Variants in MGAT4C observed in about 807,000 individuals in gnomAD.
MGAT4C encodes alpha-1,3-mannosyl-glycoprotein 4-beta-N-acetylglucosaminyltransferase C.
In MGAT4C, 19 loss-of-function variants were observed where a neutral mutation model predicts 40.1. The observed-to-expected ratio is 0.47, with a 90% confidence interval of 0.33 to 0.70. The LOEUF is 0.70. Among genes scored for constraint, MGAT4C ranks in the 30% least tolerant of loss-of-function variants. The pLI is 0.02. For missense variants in MGAT4C, 491 were observed against 563.2 expected, an observed-to-expected ratio of 0.87 and a Z score of 1.30; for synonymous variants, 181 against 187.1, an observed-to-expected ratio of 0.97 and a Z score of 0.27.
intron 1 of MGAT4C, among the ~76,000 whole-genome samples, chr12:86,188,380 G>C (rs1889009074): frequency 6.6e-6 from 1 of 151,836 alleles, no homozygotes. Context: ...TTGCCTGTGG[G>C]CAGCAGAGTG....
At chr12:86,770,699 T>C (rs1226095397) in intron 1 of MGAT4C, among the ~76,000 whole-genome samples, 5 of 152,122 alleles carry the variant, frequency 3.3e-5, no homozygotes, top group African/African-American at 1.2e-4. Flanking sequence ...ATTCTTTCAA[T>C]ATGAGGACCA....
At chr12:86,705,920 G>A (rs1313690383) in intron 2 of MGAT4C, among the ~76,000 whole-genome samples, 1 of 152,130 alleles carries the variant, frequency 6.6e-6, no homozygotes, top group Non-Finnish European at 1.5e-5. Context: ...CCTTTTCAAT[G>A]TATGATGCTG....
intron 1 of MGAT4C, among the ~76,000 whole-genome samples, chr12:86,206,042 T>G (rs1288394998): frequency 6.6e-6 from 1 of 152,050 alleles, no homozygotes; most frequent in East Asian, 1.9e-4. Flanking sequence ...ATATTTCATC[T>G]CAAACATAAA....
rs142057597 is a variant in MGAT4C, at chr12:86,097,480, T to G, written c.-56-47757A>C. ...CTTCTGGACATTACTCTTTTCAATA[T>G]CACATTTTTAGTTTGCTTAATATAA... On this transcript the variant is annotated intron_variant, in intron 1 of 4. Transcript: ENST00000611864. Among the ~76,000 whole-genome samples the G allele has an allele frequency of 1.8e-3, 272 of 151,704 alleles. 1 individual carries two copies. The highest frequency in any genetic ancestry group is 2.5e-3 in the Non-Finnish European group (167 of 67,572).
At chr12:86,567,873 T>G (rs774869435) in intron 2 of MGAT4C, among the ~76,000 whole-genome samples, 32 of 152,336 alleles carry the variant, frequency 2.1e-4, no homozygotes, top group South Asian at 2.1e-4. Context: ...TTTTTCTGAT[T>G]TATTGACTTC....
intron 2 of MGAT4C, among the ~76,000 whole-genome samples, chr12:86,490,070 G>C (rs11103969): frequency 0.011 from 1,730 of 152,076 alleles, 19 homozygotes; most frequent in Non-Finnish European, 0.018. Flanking sequence ...GAAATATAGA[G>C]AACGCCACAA....
At chr12:86,534,881 G>C (rs551334357) in intron 2 of MGAT4C, among the ~76,000 whole-genome samples, 1 of 152,176 alleles carries the variant, frequency 6.6e-6, no homozygotes, top group East Asian at 1.9e-4. Flanking sequence ...ATAAAGCAAG[G>C]CCTCCCTGAC....
intron 2 of MGAT4C, among the ~76,000 whole-genome samples, chr12:86,657,825 A>C (rs971469421): frequency 1.3e-5 from 2 of 151,978 alleles, no homozygotes; most frequent in Admixed American, 6.6e-5. Flanking sequence ...TTTTCACTGA[A>C]AAGGCACCAT....
intron 1 of MGAT4C, among the ~76,000 whole-genome samples, chr12:86,823,707 A>G (rs1022805009): frequency 6.6e-6 from 1 of 151,474 alleles, no homozygotes; most frequent in Non-Finnish European, 1.5e-5. Flanking sequence ...ATAAAAAAAG[A>G]GAAGCAAAAA....
chr12:86,549,875 G>A (rs562789763), intron 2 of MGAT4C, among the ~76,000 whole-genome samples: 50 of 152,276 alleles, frequency 3.3e-4, no homozygotes, highest in East Asian at 1.9e-3. Context: ...ACCCAGAGTC[G>A]GGAGTGAGTT....
At position 85,963,101 on chromosome 12, in the gene MGAT4C, T is replaced by C. The variant is rs1883195662; in HGVS notation, c.*16188A>G. On this transcript the variant is annotated 3_prime_UTR_variant, in exon 5 of 5. Coordinates refer to ENST00000611864, the MANE Select transcript of MGAT4C (RefSeq NM_001351288.2). Reference sequence around the variant, plus strand: ...ATATTTTTATTGCCCATTTGGAAAATAGTTTTGCTTTCTGGTTTATAAGGA... The same window carrying C: ...ATATTTTTATTGCCCATTTGGAAAACAGTTTTGCTTTCTGGTTTATAAGGA... 1.3e-5 allele frequency: 2 copies of C among 151,896 alleles called. No homozygotes were observed. Among genetic ancestry groups the C allele is most frequent in the Non-Finnish European group, 2.9e-5 (2 of 67,834 alleles). The allele number at this position is 151,896 out of a possible 1,614,324, so 9.4% of individuals were successfully genotyped here. A position where few individuals can be genotyped will look rare whatever the true frequency, so the allele number is the denominator to read the frequency against.
At chr12:86,692,085 G>T (rs575740539) in intron 2 of MGAT4C, among the ~76,000 whole-genome samples, 4 of 152,172 alleles carry the variant, frequency 2.6e-5, no homozygotes, top group Admixed American at 1.3e-4. Flanking sequence ...AGCATGAAGA[G>T]AAATTTTTTA....
intron 4 of MGAT4C, among the ~76,000 whole-genome samples, chr12:86,311,831 T>C (rs1054801087): frequency 6.6e-6 from 1 of 152,142 alleles, no homozygotes; most frequent in African/African-American, 2.4e-5. Flanking sequence ...GGGTTCTTGG[T>C]TGGCAATGCC....
chr12:86,650,278 C>A (rs1489363243), intron 2 of MGAT4C, among the ~76,000 whole-genome samples: 4 of 151,912 alleles, frequency 2.6e-5, no homozygotes, highest in Non-Finnish European at 5.9e-5. Context: ...GCTTAGAGTT[C>A]TACCAAGTAT....
At chr12:86,131,856 A>T (rs1202300803) in intron 1 of MGAT4C, among the ~76,000 whole-genome samples, 1 of 152,160 alleles carries the variant, frequency 6.6e-6, no homozygotes, top group East Asian at 1.9e-4. Context: ...ACATTATTAT[A>T]GCAGCCATAA....
At chr12:86,730,559 G>A (rs1027364070) in intron 1 of MGAT4C, among the ~76,000 whole-genome samples, 1 of 151,982 alleles carries the variant, frequency 6.6e-6, no homozygotes, top group African/African-American at 2.4e-5. Flanking sequence ...GTGTCTCTGT[G>A]CAAATATGTG....
intron 2 of MGAT4C, among the ~76,000 whole-genome samples, chr12:86,659,748 C>G (rs911638215): frequency 6.6e-6 from 1 of 152,002 alleles, no homozygotes; most frequent in Non-Finnish European, 1.5e-5. Flanking sequence ...GGTTCTGACT[C>G]CCTGCCTGGC....
intron 1 of MGAT4C, among the ~76,000 whole-genome samples, chr12:86,173,885 T>C (rs1160304620): frequency 3.9e-5 from 6 of 152,002 alleles, no homozygotes; most frequent in Admixed American, 3.9e-4. Flanking sequence ...GTATTGGGTT[T>C]TTCCTTCTTT....
At chr12:85,997,297 C>T (rs575065652) in intron 2 of MGAT4C, among the ~76,000 whole-genome samples, 1 of 152,254 alleles carries the variant, frequency 6.6e-6, no homozygotes, top group Admixed American at 6.5e-5. Context: ...TCCCTTGACA[C>T]GTGGGAATTG....
Sources: allele counts gnomAD v4.1 joint callset (sites outside exome capture counted in the v4.1 genomes callset), GRCh38; gene constraint gnomAD v4.1.1; transcripts MANE v1.5; gene names NCBI Gene and HGNC (gene_info 2026-07-23, HGNC 2026-07-21).